Variants in GABRB1 observed in about 807,000 individuals in gnomAD.
GABRB1 encodes the protein gamma-aminobutyric acid receptor subunit beta-1.
Under a neutral mutation model 51.6 loss-of-function variants are expected in GABRB1, and 17 were observed. The ratio of observed to expected loss-of-function variants is 0.33; its 90% confidence interval spans 0.23 to 0.49. The LOEUF is 0.49. Among genes scored for constraint, GABRB1 ranks in the 20% least tolerant of loss-of-function variants. The probability of loss-of-function intolerance (pLI) is 0.99; values close to 1 mark genes in which losing one functional copy is unlikely to be tolerated. For missense variants in GABRB1, 410 were observed against 600.6 expected (o/e 0.68, Z 3.32); for synonymous variants, 247 against 218.9 (o/e 1.13, Z -1.14).
At chr4:47,109,237 A>T (rs142003865) in intron 3 of GABRB1, among the ~76,000 whole-genome samples, 11 of 152,224 alleles carry the variant, frequency 7.2e-5, no homozygotes, top group Admixed American at 7.2e-4. Context: ...TGTAATAGAC[A>T]TCATTGGTGG....
intron 5 of GABRB1, among the ~76,000 whole-genome samples, chr4:47,320,943 G>T (rs1725062112): frequency 6.6e-6 from 1 of 151,938 alleles, no homozygotes; most frequent in African/African-American, 2.4e-5. Context: ...CTAATTTTTT[G>T]TATTTTTAGT....
chr4:47,191,060 T>C (rs1301094026), intron 4 of GABRB1, among the ~76,000 whole-genome samples: 2 of 152,194 alleles, frequency 1.3e-5, no homozygotes, highest in Non-Finnish European at 2.9e-5. Context: ...ATGGTCTATT[T>C]ATTCTTTCTC....
At chr4:47,071,396 C>A (rs1265528840) in intron 3 of GABRB1, among the ~76,000 whole-genome samples, 2 of 152,084 alleles carry the variant, frequency 1.3e-5, no homozygotes. Context: ...AAATTACAAG[C>A]ATTAGTTTGG....
At chr4:47,375,679 T>C (rs189526307) in intron 5 of GABRB1, among the ~76,000 whole-genome samples, 3 of 152,356 alleles carry the variant, frequency 2.0e-5, no homozygotes, top group Admixed American at 1.3e-4. Flanking sequence ...ATTCAGATCC[T>C]GGCTTTGGTC....
intron 5 of GABRB1, among the ~76,000 whole-genome samples, chr4:47,327,442 A>ATTAC: frequency 6.6e-6 from 1 of 152,218 alleles, no homozygotes; most frequent in East Asian, 1.9e-4. Flanking sequence ...TAACATTTAT[A>ATTAC]TTACTTTAGG....
At chr4:47,250,138 G>A (rs1721928046) in intron 4 of GABRB1, among the ~76,000 whole-genome samples, 1 of 152,076 alleles carries the variant, frequency 6.6e-6, no homozygotes, top group Admixed American at 6.6e-5. Context: ...TCTTATAGTG[G>A]TGGCTTGTTT....
At chr4:47,273,640 AAAT>A (rs1338159725) in intron 4 of GABRB1, among the ~76,000 whole-genome samples, 7 of 152,094 alleles carry the variant, frequency 4.6e-5, no homozygotes, top group Non-Finnish European at 8.8e-5. Flanking sequence ...CTGTGGGATT[AAAT>A]AATAATAACA....
chr4:47,024,139 A>G (rs930074783), intron 1 of GABRB1, among the ~76,000 whole-genome samples: 1 of 151,620 alleles, frequency 6.6e-6, no homozygotes, highest in Non-Finnish European at 1.5e-5. Flanking sequence ...GTTTTCTCCT[A>G]GTAGTTTGTT....
chr4:47,049,109 C>T (rs1237318161), intron 3 of GABRB1, among the ~76,000 whole-genome samples: 1 of 150,332 alleles, frequency 6.7e-6, no homozygotes, highest in Non-Finnish European at 1.5e-5. Flanking sequence ...TTTTTCGGTG[C>T]AAATCCAAGT....
chr4:47,284,201 G>C (rs375975176), intron 4 of GABRB1, among the ~76,000 whole-genome samples: 3 of 151,128 alleles, frequency 2.0e-5, no homozygotes, highest in African/African-American at 7.3e-5. Context: ...CCTCGAGATT[G>C]ACAGGCTTTT....
intron 4 of GABRB1, among the ~76,000 whole-genome samples, chr4:47,251,446 C>T (rs1721983076): frequency 1.3e-5 from 2 of 152,080 alleles, no homozygotes; most frequent in Admixed American, 1.3e-4. Context: ...GTGGTGCTTT[C>T]CCAAAAGCAT....
intron 5 of GABRB1, among the ~76,000 whole-genome samples, chr4:47,357,853 C>T (rs943729113): frequency 6.6e-6 from 1 of 152,164 alleles, no homozygotes; most frequent in Non-Finnish European, 1.5e-5. Flanking sequence ...TAATCAACTC[C>T]TTTCTACTCA....
intron 3 of GABRB1, among the ~76,000 whole-genome samples, chr4:47,149,542 A>G (rs1717332962): frequency 6.6e-6 from 1 of 152,030 alleles, no homozygotes; most frequent in South Asian, 2.1e-4. Flanking sequence ...TCCTAATGCC[A>G]CATGTCATTA....
At chr4:47,067,874 C>T (rs927463128) in intron 3 of GABRB1, among the ~76,000 whole-genome samples, 1 of 152,068 alleles carries the variant, frequency 6.6e-6, no homozygotes, top group African/African-American at 2.4e-5. Flanking sequence ...GATGCTCTCC[C>T]TCCCCTTAAC....
intron 3 of GABRB1, among the ~76,000 whole-genome samples, chr4:47,125,807 G>A (rs963800148): frequency 1.1e-4 from 17 of 149,180 alleles, no homozygotes; most frequent in East Asian, 7.8e-4. Flanking sequence ...CGCCCGCCTC[G>A]GCCTCCCAAA....
intron 4 of GABRB1, among the ~76,000 whole-genome samples, chr4:47,277,827 G>C (rs550283402): frequency 6.6e-6 from 1 of 151,866 alleles, no homozygotes; most frequent in Non-Finnish European, 1.5e-5. Flanking sequence ...AATCTTATTT[G>C]ATACATTACT....
rs1347826286 is a variant in GABRB1, at chr4:47,196,943, TCTTA to T, written c.461+35480_461+35483del. On this transcript the variant is annotated intron_variant, in intron 4 of 8. Transcript: ENST00000295454. Reference sequence around the variant, plus strand: ...CTTGAAGGCAGTGCTCAAAATTCCTTCTTACTTACAGCCCCTCTATGCACAAGAT... The same window carrying T: ...CTTGAAGGCAGTGCTCAAAATTCCTTCTTACAGCCCCTCTATGCACAAGAT... Among the ~76,000 whole-genome samples, 14 of 152,344 alleles carry T rather than the reference TCTTA, an allele frequency of 9.2e-5. No individual in the cohort carries two copies. In the East Asian group the frequency reaches 2.7e-3, roughly 29 times the overall value.
At position 47,031,936 on chromosome 4, in the gene GABRB1, T is replaced by A; in HGVS notation, c.103T>A (p.Ser35Thr). The change falls in exon 2 of 9, where the codon TCA becomes ACA. Residue 35 changes from serine (S) to threonine (T), a missense_variant. By Grantham distance (58) the Ser-to-Thr change is moderately conservative. Around this residue, in one of 5 missense-constraint regions of GABRB1, gnomAD observed 56 missense variants for 54.8 expected, o/e 1.02. Coordinates refer to ENST00000295454, the MANE Select transcript of GABRB1 (RefSeq NM_000812.4). ...TAGCACCAATGAACCCAGCAACATG[T>A]CATACGTGAAAGAGACAGTGGACAG... ...AHSTNEPSNM[S>T]YVKETVDRLL... 6.2e-7 allele frequency: 1 copy of A among 1,613,980 alleles called. No individual in the cohort carries two copies. The highest frequency in any genetic ancestry group is 8.5e-7 in the Non-Finnish European group (1 of 1,179,988).
intron 4 of GABRB1, among the ~76,000 whole-genome samples, chr4:47,289,763 T>C (rs1414005205): frequency 6.6e-6 from 1 of 152,230 alleles, no homozygotes; most frequent in African/African-American, 2.4e-5. Context: ...CATAACAAGA[T>C]ATAAACTACC....
Sources: gnomAD v4.1 joint callset for allele counts (sites outside exome capture counted in the v4.1 genomes callset) on GRCh38, gnomAD v4.1.1 for gene constraint, gnomAD v4.1.1 regional missense constraint, MANE v1.5 for transcripts, NCBI Gene and HGNC (gene_info 2026-07-23, HGNC 2026-07-21) for gene names.